The following IL3RA variants were observed in gnomAD, a reference collection of about 807,000 sequenced individuals.
IL3RA encodes the protein interleukin 3 receptor subunit alpha.
In IL3RA, 73 loss-of-function variants were observed where a neutral mutation model predicts 52.3. That is an observed-to-expected ratio of 1.40 (90% CI 1.16 to 1.70). The LOEUF (loss-of-function observed/expected upper bound fraction) is 1.70, where lower values mean the gene tolerates loss of function less well. IL3RA is among the 40% of genes most tolerant of loss of function. IL3RA has a pLI of 0.00. For synonymous variants in IL3RA, 260 were observed against 194.0 expected, an observed-to-expected ratio of 1.34 and a Z score of -2.83; for missense variants, 664 against 504.4, an observed-to-expected ratio of 1.32 and a Z score of -3.03.
At chrX:1,354,631 G>C (rs1456979099) in intron 6 of IL3RA, among the ~76,000 whole-genome samples, 1 of 64,206 alleles carries the variant, frequency 1.6e-5, no homozygotes, top group African/African-American at 6.5e-5. Context: ...AATGGAGAAA[G>C]AGGAGGGGGA....
At position 1,348,909 on chromosome X, in the gene IL3RA, CCCTT is replaced by C. The variant is rs1196870113; in HGVS notation, c.298+374_298+377del. Among the ~76,000 whole-genome samples the C allele has an allele frequency of 7.6e-5, 11 of 144,658 alleles. No homozygotes were observed. In the East Asian group the frequency reaches 1.1e-3, roughly 14 times the overall value. The allele number at this position is 144,658 out of a possible 152,430, so 94.9% of individuals were successfully genotyped here. A position where few individuals can be genotyped will look rare whatever the true frequency, so the allele number is the denominator to read the frequency against. ...GTTTTCTTTTCCTCCCTGCCTCACT[CCCTT>C]CCTTCCTTCTCTCCCTCCTCTTTTC... On this transcript the variant is annotated intron_variant, in intron 4 of 11. Coordinates refer to ENST00000331035, the MANE Select transcript of IL3RA (RefSeq NM_002183.4).
rs748843004 is a variant in IL3RA at position 1,341,759 on chromosome X, G to A, written c.-7G>A. The A allele has an allele frequency of 1.2e-5, 20 of 1,613,726 alleles. No individual in the cohort carries two copies. The East Asian group carries it at 1.6e-4, about 13-fold the overall frequency. On this transcript the variant is annotated 5_prime_UTR_variant, in exon 2 of 12. Transcript: ENST00000331035. ...CCTCTGTCCTGCGTTCCGGAGCTGC[G>A]TTCCCGATGGTCCTCCTTTGGCTCA... is the stretch of plus-strand genomic sequence containing the variant.
intron 8 of IL3RA, among the ~76,000 whole-genome samples, chrX:1,364,900 T>C (rs2087797101): frequency 6.6e-6 from 1 of 151,724 alleles, no homozygotes; most frequent in Admixed American, 6.6e-5. Flanking sequence ...CCTCCACCTC[T>C]CAGGTTTAAG....
chrX:1,340,115 C>CTTTTTTT (rs779128210), intron 1 of IL3RA, among the ~76,000 whole-genome samples: 10 of 127,196 alleles, frequency 7.9e-5, no homozygotes, highest in African/African-American at 2.6e-4. Context: ...CTTTTCTTTT[C>CTTTTTTT]TTTTTTTTTT....
rs755728201 is a variant in IL3RA at position 1,361,824 on chromosome X, G to C, written c.759+2937G>C. Reference sequence around the variant, plus strand: ...CCCTTATTAAACCATTAGATCTCGTGAGACTTATTCACTACCCCGAGAACA... The same window carrying C: ...CCCTTATTAAACCATTAGATCTCGTCAGACTTATTCACTACCCCGAGAACA... On this transcript the variant is annotated intron_variant, in intron 8 of 11. Transcript: ENST00000331035. Among the ~76,000 whole-genome samples, 5 of 151,296 alleles carry C rather than the reference G, an allele frequency of 3.3e-5. No homozygotes were observed. In the East Asian group the frequency reaches 9.7e-4, roughly 29 times the overall value.
chrX:1,343,021 G>A lies in IL3RA; in HGVS notation c.64+1192G>A, dbSNP rs17881314. On this transcript the variant is annotated intron_variant, in intron 2 of 11. Coordinates refer to ENST00000331035, the MANE Select transcript of IL3RA (RefSeq NM_002183.4). ...ACCCGGGAGGAGGAGGTTGCAGTGAGCCTAGATCACGCCATTGCACTCCAG... is the reference window on the plus strand; with the variant it reads ...ACCCGGGAGGAGGAGGTTGCAGTGAACCTAGATCACGCCATTGCACTCCAG... Among the ~76,000 whole-genome samples, 66 of 151,882 alleles carry A rather than the reference G, an allele frequency of 4.3e-4. No individual in the cohort carries two copies. In the East Asian group the frequency reaches 0.011, roughly 24 times the overall value.
chrX:1,338,100 G>T (rs1205451697), intron 1 of IL3RA, among the ~76,000 whole-genome samples: 1 of 151,860 alleles, frequency 6.6e-6, no homozygotes, highest in Non-Finnish European at 1.5e-5. Context: ...ATAGCCAAGA[G>T]GTGGAGACAG....
At chrX:1,361,354 AG>A (rs2149082285) in intron 8 of IL3RA, among the ~76,000 whole-genome samples, 1 of 152,268 alleles carries the variant, frequency 6.6e-6, no homozygotes, top group South Asian at 2.1e-4. Context: ...TAAACAAAAG[AG>A]GGTTCCTGGA....
chrX:1,345,158 A>G (rs147277830), intron 2 of IL3RA, among the ~76,000 whole-genome samples, 158 bp from the exon 3 acceptor site: 5 of 150,262 alleles, frequency 3.3e-5, no homozygotes, highest in East Asian at 2.0e-4. Flanking sequence ...ACAAGAGTGA[A>G]ACTCCATGTC....
intron 6 of IL3RA, among the ~76,000 whole-genome samples, chrX:1,353,838 G>A (rs1312617439): frequency 1.4e-5 from 2 of 138,494 alleles, no homozygotes; most frequent in African/African-American, 5.7e-5. Flanking sequence ...CATGGGTCAT[G>A]GGAACCCCCA....
At chrX:1,342,426 A>G (rs1337472415) in intron 2 of IL3RA, among the ~76,000 whole-genome samples, 1 of 151,914 alleles carries the variant, frequency 6.6e-6, no homozygotes, top group Non-Finnish European at 1.5e-5. Context: ...TTGGCCTCCC[A>G]AAGTGCTGGG....
chrX:1,341,020 G>T (rs2085467616), intron 1 of IL3RA, among the ~76,000 whole-genome samples: 1 of 152,148 alleles, frequency 6.6e-6, no homozygotes, highest in African/African-American at 2.4e-5. Flanking sequence ...GGGAGGCTGA[G>T]GCAGGACAAT....
In IL3RA at chrX:1,356,373, G is replaced by T. The variant is rs752505506; in HGVS notation, c.732+37G>T. On this transcript the variant is annotated intron_variant, in intron 7 of 11. Transcript: ENST00000331035. ...CCCCGCCCCCAGCCCCCCCACCCCCGTGGACATCCCTTATTTTTGGTAAGT... is the reference window on the plus strand; with the variant it reads ...CCCCGCCCCCAGCCCCCCCACCCCCTTGGACATCCCTTATTTTTGGTAAGT... The T allele has an allele frequency of 8.6e-6, 8 of 934,894 alleles. No individual in the cohort carries two copies. In the South Asian group the frequency reaches 1.2e-4, roughly 14 times the overall value. 57.9% of individuals were successfully genotyped at this position (934,894 alleles called of 1,614,324 possible).
At chrX:1,343,052 G>A (rs1418322198) in intron 2 of IL3RA, among the ~76,000 whole-genome samples, 1 of 151,844 alleles carries the variant, frequency 6.6e-6, no homozygotes. Context: ...TCCAGCCTGG[G>A]CGACAGAGTG....
At position 1,345,430 on chromosome X, in the gene IL3RA, T is replaced by C. The variant is rs2085698947; in HGVS notation, c.179T>C (p.Met60Thr). ...IECVKDADYS[M>T]PAVNNSYCQF... The stretch of plus-strand genomic sequence containing the variant: ...TGTGTTAAAGACGCCGACTATTCTA[T>C]GCCGGTAAATCATACTCTCTATTGT... The change falls in exon 3 of 12, where the codon ATG (methionine) becomes ACG (threonine). Residue 60 changes from methionine to threonine, a missense_variant. Physicochemically the swap from Met to Thr is moderately conservative, Grantham distance 81. Coordinates refer to ENST00000331035, the MANE Select transcript of IL3RA (RefSeq NM_002183.4). 6.4e-7 allele frequency: 1 copy of C among 1,569,166 alleles called. No homozygotes were observed. The highest frequency in any genetic ancestry group is 1.1e-5 in the South Asian group (1 of 87,146).
chrX:1,362,921 G>A (rs2087575001), intron 8 of IL3RA, among the ~76,000 whole-genome samples: 2 of 151,928 alleles, frequency 1.3e-5, no homozygotes, highest in East Asian at 3.9e-4. Flanking sequence ...GACTACAGGT[G>A]CACACCACCA....
chrX:1,378,501 C>T (rs1489600124), intron 9 of IL3RA, among the ~76,000 whole-genome samples, 158 bp from the exon 10 acceptor site: 11 of 149,616 alleles, frequency 7.4e-5, no homozygotes, highest in Non-Finnish European at 1.3e-4. Flanking sequence ...CAGGTGGTCA[C>T]GGTCTCTGTG....
intron 1 of IL3RA, among the ~76,000 whole-genome samples, chrX:1,338,453 C>A (rs1443276117): frequency 2.7e-5 from 4 of 145,836 alleles, no homozygotes; most frequent in African/African-American, 5.1e-5. Context: ...TTTATTCACA[C>A]TAGCCAAGAG....
chrX:1,339,472 C>T (rs1330071693), intron 1 of IL3RA, among the ~76,000 whole-genome samples: 2 of 152,148 alleles, frequency 1.3e-5, no homozygotes, highest in Non-Finnish European at 2.9e-5. Context: ...CAAGCAAGGT[C>T]CACTGACGCT....
Sources: allele counts gnomAD v4.1 joint callset (sites outside exome capture counted in the v4.1 genomes callset), GRCh38; gene constraint gnomAD v4.1.1; transcripts MANE v1.5; gene names NCBI Gene and HGNC (gene_info 2026-07-23, HGNC 2026-07-21).